TACR2: variants seen among roughly 807,000 people sequenced by gnomAD.
TACR2 encodes the protein tachykinin receptor 2.
In TACR2, 24 loss-of-function variants were observed where a neutral mutation model predicts 28.9. That is an observed-to-expected ratio of 0.83 (90% CI 0.60 to 1.17). The LOEUF is 1.17. Among genes scored for constraint, TACR2 ranks in the 50% most tolerant of loss-of-function variants. The pLI is 0.00. For missense variants in TACR2, 487 were observed against 524.4 expected (o/e 0.93, Z 0.70); for synonymous variants, 222 against 212.6 (o/e 1.04, Z -0.38).
At chr10:69,414,178 G>A (rs1840591727) in intron 2 of TACR2, among the ~76,000 whole-genome samples, 2 of 152,164 alleles carry the variant, frequency 1.3e-5, no homozygotes, top group African/African-American at 4.8e-5. Flanking sequence ...CAGCAGCTGG[G>A]CCATGCCTGA....
rs1057219475 is a variant in TACR2, at chr10:69,416,820, A to C, written c.-497T>G. 1 of 153,038 alleles carries C rather than the reference A, an allele frequency of 6.5e-6. No individual in the cohort carries two copies. Among genetic ancestry groups the C allele is most frequent in the Non-Finnish European group, 1.5e-5 (1 of 68,682 alleles). The allele number at this position is 153,038 out of a possible 1,614,324, so 9.5% of individuals were successfully genotyped here. ...GGAGTCCACAGGTCAATGGCGCAGC[A>C]GCCTCTCTCCAGGCTTTGGGCTGCA... On this transcript the variant is annotated 5_prime_UTR_variant, in exon 1 of 5. Coordinates refer to ENST00000373306, the MANE Select transcript of TACR2 (RefSeq NM_001057.3).
At chr10:69,407,590 T>TC (rs1173248184) in intron 3 of TACR2, among the ~76,000 whole-genome samples, 3 of 151,988 alleles carry the variant, frequency 2.0e-5, no homozygotes, top group African/African-American at 7.2e-5. Context: ...TCACTGCAGC[T>TC]CCCCCTCCCT....
rs75087314 is a variant in TACR2, at chr10:69,404,426, A to G, written c.*400T>C. The G allele has an allele frequency of 0.057, 8,810 of 154,960 alleles. 767 individuals carry two copies. The highest frequency in any genetic ancestry group is 0.19 in the African/African-American group (7,793 of 41,632). The allele number at this position is 154,960 out of a possible 1,614,324, so 9.6% of individuals were successfully genotyped here. ...GCCAGGCACAAGGCTTCAGGGTTCA[A>G]TAGGCACCTATCTCAGTCCATTTGT... On this transcript the variant is annotated 3_prime_UTR_variant, in exon 5 of 5. Transcript: ENST00000373306.
Position 69,409,185 on chromosome 10 carries a change from C to T in TACR2, c.588-110G>A, listed in dbSNP as rs905859673. 6 of 1,207,308 alleles carry T rather than the reference C, an allele frequency of 5.0e-6. No individual in the cohort carries two copies. In the African/African-American group the frequency reaches 6.4e-5, roughly 13 times the overall value. The allele number at this position is 1,207,308 out of a possible 1,614,324, so 74.8% of individuals were successfully genotyped here. ...GCACTGTGGAGCCGCCCCTGCGGGC[C>T]CACCCTGGGCGCCTCCCAGGGACTT... On this transcript the variant is annotated intron_variant, in intron 2 of 4. Transcript: ENST00000373306.
chr10:69,404,032 C>T lies in TACR2; in HGVS notation c.*794G>A, dbSNP rs1316350012. ...CTTGTCCCCTTTGAATGCCTGTCCT[C>T]TCCAGGTTGCCATGGCCCCCACCAT... On this transcript the variant is annotated 3_prime_UTR_variant, in exon 5 of 5. Coordinates refer to ENST00000373306, the MANE Select transcript of TACR2 (RefSeq NM_001057.3). The T allele has an allele frequency of 6.6e-6, 1 of 152,238 alleles. No individual in the cohort carries two copies. The highest frequency in any genetic ancestry group is 2.4e-5 in the African/African-American group (1 of 41,472). 9.4% of individuals were successfully genotyped at this position (152,238 alleles called of 1,614,324 possible).
intron 2 of TACR2, 27 bp from the exon 3 acceptor site, chr10:69,409,102 G>A: frequency 6.4e-7 from 1 of 1,554,428 alleles, no homozygotes; most frequent in African/African-American, 1.4e-5. Flanking sequence ...GGCCTGGGCA[G>A]CGGAGGGCCC....
chr10:69,404,941 C>T lies in TACR2; in HGVS notation c.1082G>A (p.Gly361Glu), dbSNP rs909801360. ...GGTAGCCTCGGAGGGGGCTGTGTCC[C>T]CAGCCATGAACAAAGTCTCCTTAGT... ...CHTKETLFMA[G>E]DTAPSEATSG... is the part of the protein sequence containing the mutation. The change falls in exon 5 of 5, where the codon GGG becomes GAG. Residue 361 changes from glycine (G) to glutamate (E), a missense_variant. Physicochemically the swap from Gly to Glu is moderately conservative, Grantham distance 98. Coordinates refer to ENST00000373306, the MANE Select transcript of TACR2 (RefSeq NM_001057.3). 4.3e-6 allele frequency: 7 copies of T among 1,614,078 alleles called. No homozygotes were observed. In the Admixed American group the frequency reaches 1.2e-4, roughly 27 times the overall value.
In TACR2 at chr10:69,416,142, T is replaced by A. The variant is rs1253598568; in HGVS notation, c.182A>T (p.His61Leu). ...GTTGGTGACTGTGCGCATCCTCCGATGGGCCAGGATGATCCAGATGACGAT... is the reference window on the plus strand; with the variant it reads ...GTTGGTGACTGTGCGCATCCTCCGAAGGGCCAGGATGATCCAGATGACGAT... ...NAIVIWIILA[H>L]RRMRTVTNYF... The change falls in exon 1 of 5, where the codon CAT (histidine) becomes CTT (leucine). Residue 61 changes from histidine (H) to leucine (L), a missense_variant. Coordinates refer to ENST00000373306, the MANE Select transcript of TACR2 (RefSeq NM_001057.3). 1 of 1,614,208 alleles carries A rather than the reference T, an allele frequency of 6.2e-7. No individual in the cohort carries two copies.
chr10:69,411,825 G>T (rs2133009610), intron 2 of TACR2, among the ~76,000 whole-genome samples: 1 of 152,044 alleles, frequency 6.6e-6, no homozygotes, highest in Admixed American at 6.5e-5. Flanking sequence ...TGCTAAGGGA[G>T]ACTGATTTGA....
chr10:69,410,626 C>T (rs947551042), intron 2 of TACR2, among the ~76,000 whole-genome samples: 7 of 151,952 alleles, frequency 4.6e-5, no homozygotes, highest in Non-Finnish European at 8.8e-5. Context: ...ACTGACTCCT[C>T]GGCAGGTCTG....
intron 2 of TACR2, among the ~76,000 whole-genome samples, chr10:69,413,808 C>T (rs1840588189): frequency 6.6e-6 from 1 of 152,180 alleles, no homozygotes; most frequent in African/African-American, 2.4e-5. Flanking sequence ...GGATCTGCCA[C>T]CCCCAGGTGT....
At chr10:69,413,654 G>A (rs1018065572) in intron 2 of TACR2, among the ~76,000 whole-genome samples, 9 of 152,226 alleles carry the variant, frequency 5.9e-5, no homozygotes, top group Non-Finnish European at 2.9e-5. Flanking sequence ...CACAAGAGCA[G>A]CCTTCTCCTG....
At position 69,415,946 on chromosome 10, in the gene TACR2, G is replaced by T; in HGVS notation, c.378C>A (p.Ala126=). Residue 126 remains alanine (A), a synonymous_variant, in exon 1 of 5, where the codon GCC becomes GCA. Transcript: ENST00000373306. The part of the protein sequence containing the change: ...AMFVSIYSMT[A]IAADRYMAIV... ...GACCCTCTTGCCTGTCGGCAGCAAT[G>T]GCGGTCATGGAGTAGATGCTGACAA... The T allele has an allele frequency of 1.2e-6, 2 of 1,613,166 alleles. No individual in the cohort carries two copies. The highest frequency in any genetic ancestry group is 1.7e-6 in the Non-Finnish European group (2 of 1,179,110).
intron 1 of TACR2, 22 bp downstream of exon 1, chr10:69,415,910 G>A: frequency 1.2e-6 from 2 of 1,606,486 alleles, no homozygotes; most frequent in Non-Finnish European, 1.7e-6. Flanking sequence ...GCTCCCCCCA[G>A]CTTCCCCAAG....
intron 2 of TACR2, among the ~76,000 whole-genome samples, chr10:69,411,217 T>C (rs73276862): frequency 0.021 from 3,260 of 152,302 alleles, 121 homozygotes; most frequent in African/African-American, 0.075. Flanking sequence ...GAGGTGCTGC[T>C]ACCCCAAGGG....
rs779031395 is a variant in TACR2 at position 69,405,060 on chromosome 10, G to T, written c.963C>A (p.Ala321=). 1 of 1,613,914 alleles carries T rather than the reference G, an allele frequency of 6.2e-7. No individual in the cohort carries two copies. Among genetic ancestry groups the T allele is most frequent in the East Asian group, 2.2e-5 (1 of 44,876 alleles). Residue 321 remains alanine, a synonymous_variant, in exon 5 of 5, where the codon GCC becomes GCA. Transcript: ENST00000373306. ...NHRFRSGFRL[A]FRCCPWVTPT... The stretch of plus-strand genomic sequence containing the variant: ...GTGTGACCCATGGGCAGCAGCGGAA[G>T]GCAAGCCGGAATCCAGAGCGAAACC...
chr10:69,409,912 T>TATATATAC (rs1840551958), intron 2 of TACR2, among the ~76,000 whole-genome samples: 16 of 23,838 alleles, frequency 6.7e-4, no homozygotes, highest in Admixed American at 4.8e-3. Context: ...TACATATATA[T>TATATATAC]ATATATATAT....
Position 69,404,983 on chromosome 10 carries a change from C to CT in TACR2, c.1039dup (p.Arg347LysfsTer8), listed in dbSNP as rs750698593. 1.1e-4 allele frequency: 183 copies of CT among 1,614,110 alleles called. No individual in the cohort carries two copies. The highest frequency in any genetic ancestry group is 1.5e-4 in the Non-Finnish European group (174 of 1,180,044). On this transcript the variant is annotated frameshift_variant, in exon 5 of 5. Transcript: ENST00000373306. LOFTEE classifies it high-confidence loss of function. Reference sequence around the variant, plus strand: ...CTCCTTAGTGTGACACCTGTTGACTCTCGTGGAGAGGGAGGTCGTGGGAGT... The same window carrying CT: ...CTCCTTAGTGTGACACCTGTTGACTCTTCGTGGAGAGGGAGGTCGTGGGAGT...
chr10:69,412,445 A>G (rs1840577414), intron 2 of TACR2, among the ~76,000 whole-genome samples: 1 of 152,180 alleles, frequency 6.6e-6, no homozygotes, highest in South Asian at 2.1e-4. Context: ...GCCAGGGCCC[A>G]TCACCTTACA....
Sources: gnomAD v4.1 joint callset for allele counts (sites outside exome capture counted in the v4.1 genomes callset) on GRCh38, gnomAD v4.1.1 for gene constraint, MANE v1.5 for transcripts, NCBI Gene and HGNC (gene_info 2026-07-23, HGNC 2026-07-21) for gene names.